Variants in PPFIA2 observed in about 807,000 individuals in gnomAD.
The protein encoded by PPFIA2 is liprin-alpha-2.
In PPFIA2, 46 loss-of-function variants were observed where a neutral mutation model predicts 175.5. That is an observed-to-expected ratio of 0.26 (90% CI 0.21 to 0.34). PPFIA2 has a LOEUF of 0.34. PPFIA2 is among the 10% of genes least tolerant of loss of function. The probability of loss-of-function intolerance (pLI) is 1.00; values close to 1 mark genes in which losing one functional copy is unlikely to be tolerated. For synonymous variants in PPFIA2, 568 were observed against 511.4 expected (o/e 1.11, Z -1.49); for missense variants, 1,179 against 1,506.1 (o/e 0.78, Z 3.60).
chr12:81,325,919 T>C, intron 21 of PPFIA2, 49 bp from the exon 22 acceptor site: 1 of 1,364,284 alleles, frequency 7.3e-7, no homozygotes, highest in Non-Finnish European at 1.0e-6. Flanking sequence ...ATAGGTTGTG[T>C]CAATTCTGAA....
At chr12:81,342,144 C>T (rs528858118) in intron 19 of PPFIA2, among the ~76,000 whole-genome samples, 1 of 152,104 alleles carries the variant, frequency 6.6e-6, no homozygotes, top group East Asian at 1.9e-4. Flanking sequence ...AGTACAGAAT[C>T]CAGAATGACT....
intron 21 of PPFIA2, among the ~76,000 whole-genome samples, chr12:81,337,835 A>G (rs1030146193): frequency 1.3e-5 from 2 of 152,174 alleles, no homozygotes; most frequent in Admixed American, 6.6e-5. Context: ...TAGTTGTCAA[A>G]TAAGATAAAA....
intron 30 of PPFIA2, among the ~76,000 whole-genome samples, chr12:81,266,735 C>A (rs1413395446): frequency 1.3e-5 from 2 of 152,142 alleles, no homozygotes; most frequent in Non-Finnish European, 2.9e-5. Context: ...TTTAGTATCT[C>A]TACCTGCTGA....
chr12:81,299,112 T>C (rs545280817), intron 23 of PPFIA2, among the ~76,000 whole-genome samples, 189 bp downstream of exon 23: 1 of 152,344 alleles, frequency 6.6e-6, no homozygotes, highest in East Asian at 1.9e-4. Flanking sequence ...GCATGATTTC[T>C]TCTACTACGA....
intron 4 of PPFIA2, among the ~76,000 whole-genome samples, chr12:81,588,436 T>C (rs1031056220): frequency 6.6e-6 from 1 of 152,022 alleles, no homozygotes; most frequent in Non-Finnish European, 1.5e-5. Context: ...AGCCATTTCA[T>C]CTACTTCCAT....
chr12:81,726,605 G>A (rs1018334177), intron 3 of PPFIA2, among the ~76,000 whole-genome samples: 3 of 151,284 alleles, frequency 2.0e-5, no homozygotes, highest in East Asian at 1.9e-4. Context: ...AGTTTCTAAT[G>A]TAAAACAGTA....
intron 4 of PPFIA2, among the ~76,000 whole-genome samples, chr12:81,498,487 A>AT (rs1394955045): frequency 6.6e-6 from 1 of 152,026 alleles, no homozygotes; most frequent in Admixed American, 6.6e-5. Flanking sequence ...TTTTTCTGGT[A>AT]TTTTTTCATG....
intron 4 of PPFIA2, among the ~76,000 whole-genome samples, chr12:81,504,195 T>C (rs1158528425): frequency 6.6e-6 from 1 of 151,992 alleles, no homozygotes; most frequent in Non-Finnish European, 1.5e-5. Flanking sequence ...AATGGAACTA[T>C]GGAAAGAACA....
chr12:81,740,571 CA>C (rs756069237), intron 3 of PPFIA2, among the ~76,000 whole-genome samples: 2 of 152,276 alleles, frequency 1.3e-5, no homozygotes, highest in South Asian at 4.1e-4. Flanking sequence ...ACCTTACCCT[CA>C]AGCTGTAAAG....
At chr12:81,505,297 G>A (rs1369480746) in intron 4 of PPFIA2, among the ~76,000 whole-genome samples, 1 of 151,534 alleles carries the variant, frequency 6.6e-6, no homozygotes, top group African/African-American at 2.4e-5. Flanking sequence ...AAAGAAAAGG[G>A]AAGAAAGGGC....
intron 23 of PPFIA2, among the ~76,000 whole-genome samples, chr12:81,296,071 T>C (rs10862285): frequency 0.91 from 138,900 of 152,082 alleles, 64,059 homozygotes; most frequent in South Asian, 0.98. Context: ...TTTGGGAGGC[T>C]GAGATGACTG....
At chr12:81,488,975 G>A (rs2059142985) in intron 4 of PPFIA2, among the ~76,000 whole-genome samples, 1 of 151,796 alleles carries the variant, frequency 6.6e-6, no homozygotes, top group Admixed American at 6.6e-5. Flanking sequence ...CTGCAGGTTA[G>A]CCACATAAAC....
intron 7 of PPFIA2, among the ~76,000 whole-genome samples, chr12:81,407,695 A>G (rs2043191061): frequency 6.6e-6 from 1 of 152,056 alleles, no homozygotes; most frequent in Non-Finnish European, 1.5e-5. Flanking sequence ...AGAACTGAGG[A>G]ATTTGATGAT....
intron 4 of PPFIA2, among the ~76,000 whole-genome samples, chr12:81,506,423 C>T (rs1300759439): frequency 6.6e-6 from 1 of 152,152 alleles, no homozygotes; most frequent in Non-Finnish European, 1.5e-5. Context: ...CACAGCATTA[C>T]ATTTAGGTAT....
At chr12:81,438,838 T>G (rs2144913234) in intron 7 of PPFIA2, among the ~76,000 whole-genome samples, 1 of 152,242 alleles carries the variant, frequency 6.6e-6, no homozygotes, top group East Asian at 1.9e-4. Context: ...GTCTTCTAGC[T>G]ATTTTGAAAT....
chr12:81,295,570 T>A (rs1331327577), intron 23 of PPFIA2, among the ~76,000 whole-genome samples: 1 of 152,198 alleles, frequency 6.6e-6, no homozygotes, highest in Non-Finnish European at 1.5e-5. Context: ...GAAAGATGTG[T>A]GAACTTAATT....
intron 4 of PPFIA2, among the ~76,000 whole-genome samples, chr12:81,548,197 A>G (rs2067284920): frequency 6.6e-6 from 1 of 152,114 alleles, no homozygotes; most frequent in Non-Finnish European, 1.5e-5. Context: ...TCCAAAGGCT[A>G]TTTTTCTAAA....
chr12:81,316,181 G>T (rs2139370276), intron 22 of PPFIA2, among the ~76,000 whole-genome samples: 1 of 151,686 alleles, frequency 6.6e-6, no homozygotes, highest in Non-Finnish European at 1.5e-5. Flanking sequence ...CCCGGCAAGA[G>T]AGAGACTATA....
At chr12:81,539,147 C>T (rs2065845780) in intron 4 of PPFIA2, among the ~76,000 whole-genome samples, 1 of 151,882 alleles carries the variant, frequency 6.6e-6, no homozygotes, top group South Asian at 2.1e-4. Context: ...GGGGAAGACT[C>T]TGCGGGGAGC....
Sources: allele counts gnomAD v4.1 joint callset (sites outside exome capture counted in the v4.1 genomes callset), GRCh38; gene constraint gnomAD v4.1.1; transcripts MANE v1.5; gene names NCBI Gene and HGNC (gene_info 2026-07-23, HGNC 2026-07-21).